Variants in FRMPD3 observed in about 807,000 individuals in gnomAD.
FRMPD3 encodes FERM and PDZ domain containing 3.
FRMPD3 carries 42 observed loss-of-function variants against 97.9 expected under a neutral mutation model. The observed-to-expected ratio is 0.43, with a 90% CI of 0.34 to 0.55. The LOEUF (loss-of-function observed/expected upper bound fraction) is 0.55, where lower values mean the gene tolerates loss of function less well. Ranked by LOEUF, FRMPD3 falls within the 20% of genes least tolerant of loss-of-function variation. The pLI is 0.03. For missense variants in FRMPD3, 1,303 were observed against 1,457.7 expected (o/e 0.89, Z 1.73); for synonymous variants, 577 against 581.1 (o/e 0.99, Z 0.10).
At chrX:107,517,786 GAAAA>G (rs1922385995) in intron 1 of FRMPD3, among the ~76,000 whole-genome samples, 1 of 78,712 alleles carries the variant, frequency 1.3e-5, no homozygotes, top group African/African-American at 4.9e-5. Flanking sequence ...AGAAAGAAAA[GAAAA>G]GAAAAGAAGG....
intron 1 of FRMPD3, among the ~76,000 whole-genome samples, chrX:107,488,939 C>T (rs1921578016): frequency 9.5e-6 from 1 of 105,409 alleles, no homozygotes; most frequent in Non-Finnish European, 1.9e-5. Context: ...CACCCATTAA[C>T]TCGTCATTTA....
intron 8 of FRMPD3, among the ~76,000 whole-genome samples, chrX:107,555,998 C>T (rs1303064466): frequency 9.0e-6 from 1 of 111,407 alleles, no homozygotes; most frequent in African/African-American, 3.3e-5. Flanking sequence ...TGGTATCATT[C>T]CCCAAGTTAG....
intron 5 of FRMPD3, among the ~76,000 whole-genome samples, chrX:107,546,944 C>T (rs1352140591): frequency 4.5e-5 from 5 of 111,537 alleles, no homozygotes; most frequent in Non-Finnish European, 7.5e-5. Flanking sequence ...TCTCCATTTC[C>T]CTGACTCTCA....
chrX:107,518,741 T>A (rs185884767), intron 1 of FRMPD3, among the ~76,000 whole-genome samples: 60 of 112,286 alleles, frequency 5.3e-4, no homozygotes, highest in African/African-American at 1.9e-3. Flanking sequence ...TCTAGGTATG[T>A]ACCTGAAAGA....
chrX:107,524,698 T>A (rs766972230), intron 1 of FRMPD3, among the ~76,000 whole-genome samples: 1 of 112,765 alleles, frequency 8.9e-6, no homozygotes, highest in East Asian at 2.8e-4. Flanking sequence ...TAATAAAGAA[T>A]TGCATTGCTC....
intron 13 of FRMPD3, among the ~76,000 whole-genome samples, chrX:107,596,472 C>T (rs75748430): frequency 1.8e-5 from 2 of 111,772 alleles, no homozygotes; most frequent in East Asian, 2.8e-4. Context: ...GGAAGAGCTC[C>T]AAAAACAGTG....
chrX:107,600,231 G>A (rs910825990), intron 14 of FRMPD3, 72 bp from the exon 15 acceptor site: 5 of 1,110,113 alleles, frequency 4.5e-6, no homozygotes, highest in South Asian at 2.3e-5. Flanking sequence ...TGAATACCGA[G>A]GGACAACCGT....
chrX:107,546,161 G>A (rs1216729698), intron 5 of FRMPD3, among the ~76,000 whole-genome samples: 2 of 111,923 alleles, frequency 1.8e-5, no homozygotes, highest in African/African-American at 6.5e-5. Context: ...ATAGAAACAG[G>A]AAGGAAATAA....
At chrX:107,471,000 A>T (rs754113749) in intron 1 of FRMPD3, among the ~76,000 whole-genome samples, 1 of 112,607 alleles carries the variant, frequency 8.9e-6, no homozygotes, top group South Asian at 3.7e-4. Context: ...TTTGCTCAGA[A>T]AGCCCAGCGC....
intron 1 of FRMPD3, among the ~76,000 whole-genome samples, chrX:107,476,220 T>C (rs931369691): frequency 2.7e-5 from 3 of 112,485 alleles, no homozygotes; most frequent in East Asian, 2.8e-4. Flanking sequence ...GGAGAAAGTA[T>C]ATGTAAAAAT....
rs762374528 is a variant in FRMPD3, at chrX:107,602,823, G to A, written c.4784G>A (p.Arg1595Gln). The A allele has an allele frequency of 4.9e-5, 59 of 1,208,680 alleles. No individual in the cohort carries two copies. In the South Asian group the frequency reaches 9.2e-4, roughly 19 times the overall value. Residue 1595 changes from arginine to glutamine, a missense_variant, in exon 15 of 15, where the codon CGG becomes CAG. Transcript: ENST00000683843. The stretch of plus-strand genomic sequence containing the variant: ...CTCCCTGATGGCTTCCTGGCTGCCC[G>A]GCTGGACACCAACGAGCTGCTGACA... Reference protein sequence around the residue: ...YGLPDGFLAARLDTNELLTVL... With the variant: ...YGLPDGFLAAQLDTNELLTVL...
chrX:107,552,395 A>G (rs1187589563), intron 6 of FRMPD3, among the ~76,000 whole-genome samples: 1 of 112,427 alleles, frequency 8.9e-6, no homozygotes, highest in Non-Finnish European at 1.9e-5. Flanking sequence ...GACTATCCCA[A>G]GTGGATATTC....
At chrX:107,495,141 T>C (rs1408456436) in intron 1 of FRMPD3, among the ~76,000 whole-genome samples, 2 of 111,945 alleles carry the variant, frequency 1.8e-5, no homozygotes, top group South Asian at 7.5e-4. Flanking sequence ...CAGTCCTTGG[T>C]CTCCCCAGGC....
At position 107,600,815 on chromosome X, in the gene FRMPD3, G is replaced by T. The variant is rs1382073732; in HGVS notation, c.2776G>T (p.Val926Phe). The change falls in exon 15 of 15, where the codon GTC becomes TTC. Residue 926 changes from valine (V) to phenylalanine (F), a missense_variant. Transcript: ENST00000683843. The stretch of plus-strand genomic sequence containing the variant: ...CACATCATCCCTCAGTGAAGAGCAG[G>T]TCTCTGAGCTGAGGGACAACCTGCC... The part of the protein sequence containing the change: ...AATSSLSEEQ[V>F]SELRDNLPKE... 1 of 1,209,080 alleles carries T rather than the reference G, an allele frequency of 8.3e-7. No homozygotes were observed. Among genetic ancestry groups the T allele is most frequent in the Admixed American group, 2.2e-5 (1 of 45,948 alleles).
chrX:107,461,715 T>A (rs751513661), intron 1 of FRMPD3, among the ~76,000 whole-genome samples: 7 of 110,187 alleles, frequency 6.4e-5, no homozygotes, highest in Non-Finnish European at 1.1e-4. Context: ...AAGCTCCTCC[T>A]CCTGGTATAT....
At chrX:107,489,984 G>A (rs1302823229) in intron 1 of FRMPD3, among the ~76,000 whole-genome samples, 9 of 112,156 alleles carry the variant, frequency 8.0e-5, no homozygotes, top group African/African-American at 2.9e-4. Flanking sequence ...TAACATGTAA[G>A]TCTTTAATCC....
chrX:107,474,658 T>C (rs1921152312), intron 1 of FRMPD3, among the ~76,000 whole-genome samples: 1 of 111,483 alleles, frequency 9.0e-6, no homozygotes, highest in Non-Finnish European at 1.9e-5. Context: ...GCATATTCAC[T>C]GGAAATAGCT....
chrX:107,465,010 G>A (rs771773681), intron 1 of FRMPD3, among the ~76,000 whole-genome samples: 3 of 112,174 alleles, frequency 2.7e-5, no homozygotes, highest in African/African-American at 9.7e-5. Flanking sequence ...AACCCAGAGA[G>A]AGGACCAGTG....
At chrX:107,470,750 G>A (rs1921036002) in intron 1 of FRMPD3, among the ~76,000 whole-genome samples, 1 of 111,994 alleles carries the variant, frequency 8.9e-6, no homozygotes, top group Non-Finnish European at 1.9e-5. Context: ...GATGGTAGGA[G>A]GTAAAAGAAA....
Sources: allele counts gnomAD v4.1 joint callset (sites outside exome capture counted in the v4.1 genomes callset), GRCh38; gene constraint gnomAD v4.1.1; transcripts MANE v1.5; gene names NCBI Gene and HGNC (gene_info 2026-07-23, HGNC 2026-07-21).